Variants in MYO16 observed in about 807,000 individuals in gnomAD.
MYO16 encodes myosin XVI, also known as unconventional myosin-XVI.
MYO16 carries 94 observed loss-of-function variants against 205.3 expected under a neutral mutation model. The observed-to-expected ratio is 0.46, with a 90% CI of 0.39 to 0.54. The LOEUF (loss-of-function observed/expected upper bound fraction) is 0.54. MYO16 is among the 20% of genes least tolerant of loss of function. The pLI, the probability that MYO16 is intolerant of heterozygous loss-of-function variation, is 0.00. For synonymous variants in MYO16, 988 were observed against 954.0 expected, an observed-to-expected ratio of 1.04 and a Z score of -0.66; for missense variants, 2,315 against 2,387.5, an observed-to-expected ratio of 0.97 and a Z score of 0.63.
intron 13 of MYO16, among the ~76,000 whole-genome samples, chr13:108,885,550 C>T (rs779041351): frequency 8.9e-4 from 136 of 152,248 alleles, no homozygotes; most frequent in Non-Finnish European, 1.6e-3. Context: ...ATAGGGAAAA[C>T]TTTTTAAAAG....
intron 17 of MYO16, among the ~76,000 whole-genome samples, chr13:108,958,098 T>G (rs1883445734): frequency 6.7e-6 from 1 of 150,028 alleles, no homozygotes; most frequent in Non-Finnish European, 1.5e-5. Context: ...CAAGGAGCCC[T>G]TTCCCAAAAT....
the MYO16 span, among the ~76,000 whole-genome samples, chr13:108,583,953 T>A: frequency 6.6e-6 from 1 of 151,970 alleles, no homozygotes; most frequent in African/African-American, 2.4e-5. Flanking sequence ...GTTAAAGTAG[T>A]TTTTTGTTTT....
At chr13:108,849,592 C>T (rs1464699200) in intron 10 of MYO16, among the ~76,000 whole-genome samples, 1 of 133,488 alleles carries the variant, frequency 7.5e-6, no homozygotes, top group Non-Finnish European at 1.6e-5. Context: ...AGACTGCCTT[C>T]CTCCAAATCC....
chr13:108,694,604 T>C lies in MYO16; in HGVS notation c.293-18057T>C, dbSNP rs139066893. Reference sequence around the variant, plus strand: ...CTAAGAGTTCTTGGTATACACATTTTATATACTAGACCTCTATCAAATATA... The same window carrying C: ...CTAAGAGTTCTTGGTATACACATTTCATATACTAGACCTCTATCAAATATA... On this transcript the variant is annotated intron_variant, in intron 2 of 34. Coordinates refer to ENST00000457511, the MANE Select transcript of MYO16 (RefSeq NM_001198950.3). 1.8e-3 allele frequency among the ~76,000 whole-genome samples: 271 copies of C among 152,358 alleles called. 1 individual carries two copies. Among genetic ancestry groups the C allele is most frequent in the African/African-American group, 6.1e-3 (254 of 41,578 alleles).
chr13:108,642,278 T>C (rs1004861084), intron 1 of MYO16, among the ~76,000 whole-genome samples: 2 of 152,116 alleles, frequency 1.3e-5, no homozygotes, highest in Admixed American at 6.5e-5. Context: ...ACTGTGGACG[T>C]GAAAGGACGT....
At chr13:108,511,129 G>C in the MYO16 span, among the ~76,000 whole-genome samples, 1 of 65,622 alleles carries the variant, frequency 1.5e-5, no homozygotes. Context: ...ATCCTCTCCA[G>C]CACCTGTTGT....
At chr13:108,629,548 G>T, upstream of MYO16, 1 of 337,876 alleles carries the variant, frequency 3.0e-6, no homozygotes, top group African/African-American at 2.0e-5. Flanking sequence ...AATTAGAGCT[G>T]ACTATTCCCG....
Position 108,971,439 on chromosome 13 carries a change from T to C in MYO16, c.2369+6537T>C, listed in dbSNP as rs1045457304. 2.7e-5 allele frequency among the ~76,000 whole-genome samples: 4 copies of C among 150,600 alleles called. No individual in the cohort carries two copies. The Admixed American group carries it at 2.7e-4, about 10-fold the overall frequency. ...TCTGTCTATCTATCTATCAGTCATCTCTCTATCTATCTAGTCTACAGTAAT... is the reference window on the plus strand; with the variant it reads ...TCTGTCTATCTATCTATCAGTCATCCCTCTATCTATCTAGTCTACAGTAAT... On this transcript the variant is annotated intron_variant, in intron 20 of 34. Transcript: ENST00000457511.
intron 1 of MYO16, among the ~76,000 whole-genome samples, chr13:108,622,263 T>C (rs536800258): frequency 1.3e-5 from 2 of 152,274 alleles, no homozygotes; most frequent in African/African-American, 4.8e-5. Context: ...TGTGAAATAG[T>C]CACATCGTGA....
chr13:109,126,245 G>GA (rs375929995), intron 30 of MYO16, among the ~76,000 whole-genome samples: 6 of 151,846 alleles, frequency 4.0e-5, no homozygotes, highest in African/African-American at 1.2e-4. Flanking sequence ...CCTTTGTACA[G>GA]AAAAAAAGAC....
chr13:108,876,021 A>G (rs1464928599), intron 12 of MYO16, among the ~76,000 whole-genome samples: 1 of 152,196 alleles, frequency 6.6e-6, no homozygotes, highest in Non-Finnish European at 1.5e-5. Flanking sequence ...TTGTCACATG[A>G]GAGTCTAAGT....
At chr13:108,788,706 A>G (rs545817832) in intron 5 of MYO16, among the ~76,000 whole-genome samples, 5 of 152,290 alleles carry the variant, frequency 3.3e-5, no homozygotes, top group East Asian at 1.9e-4. Context: ...CTACAAACCC[A>G]TTGGAAATGC....
intron 4 of MYO16, among the ~76,000 whole-genome samples, chr13:108,736,136 C>A (rs949962457): frequency 2.6e-5 from 4 of 152,120 alleles, no homozygotes; most frequent in African/African-American, 7.2e-5. Context: ...TGTGCAGGAG[C>A]TCTTTTGTTT....
At chr13:109,160,056 G>A (rs1277177530) in intron 32 of MYO16, among the ~76,000 whole-genome samples, 1 of 152,192 alleles carries the variant, frequency 6.6e-6, no homozygotes, top group African/African-American at 2.4e-5. Flanking sequence ...ATTCTAGGTT[G>A]GGGGACCGTC....
chr13:108,972,089 T>TACTTGGGAA (rs1242838693), intron 20 of MYO16, among the ~76,000 whole-genome samples: 1 of 147,968 alleles, frequency 6.8e-6, no homozygotes, highest in African/African-American at 2.5e-5. Flanking sequence ...ATACCTGTGG[T>TACTTGGGAA]CCCAGCTACT....
At chr13:108,629,974 C>T in intron 1 of MYO16, 102 bp downstream of exon 1, 1 of 935,276 alleles carries the variant, frequency 1.1e-6, no homozygotes. Context: ...ATACCACATT[C>T]AGATGAGTGA....
chr13:108,938,479 A>G (rs1882584599), intron 16 of MYO16, among the ~76,000 whole-genome samples: 1 of 152,176 alleles, frequency 6.6e-6, no homozygotes, highest in Admixed American at 6.5e-5. Context: ...CTAAGGGAGA[A>G]TCCAGTGGAT....
intron 28 of MYO16, 145 bp from the exon 29 acceptor site, chr13:109,120,225 G>T: frequency 1.6e-6 from 1 of 607,184 alleles, no homozygotes; most frequent in Non-Finnish European, 2.9e-6. Flanking sequence ...ATGTAATAGT[G>T]TTTAAGAATC....
chr13:108,728,994 T>G (rs997614922), intron 4 of MYO16, among the ~76,000 whole-genome samples: 2 of 151,682 alleles, frequency 1.3e-5, no homozygotes, highest in African/African-American at 4.8e-5. Flanking sequence ...TCTTTTTTTT[T>G]TTTTACAGTA....
Sources: allele counts gnomAD v4.1 joint callset (sites outside exome capture counted in the v4.1 genomes callset), GRCh38; gene constraint gnomAD v4.1.1; transcripts MANE v1.5; gene names NCBI Gene and HGNC (gene_info 2026-07-23, HGNC 2026-07-21).